Variants in TRIM2 observed in about 807,000 individuals in gnomAD.
TRIM2 encodes tripartite motif containing 2, also known as tripartite motif-containing protein 2.
Under a neutral mutation model 75.2 loss-of-function variants are expected in TRIM2, and 20 were observed. The observed-to-expected ratio is 0.27, with a 90% CI of 0.19 to 0.39. The LOEUF is 0.39. Ranked by LOEUF, TRIM2 falls within the 10% of genes least tolerant of loss-of-function variation. The pLI, the probability that TRIM2 is intolerant of heterozygous loss-of-function variation, is 1.00. For synonymous variants in TRIM2, 373 were observed against 388.3 expected (o/e 0.96, Z 0.46); for missense variants, 660 against 990.8 (o/e 0.67, Z 4.48).
At chr4:153,215,055 A>G (rs991480147) in intron 1 of TRIM2, among the ~76,000 whole-genome samples, 1 of 152,180 alleles carries the variant, frequency 6.6e-6, no homozygotes, top group Non-Finnish European at 1.5e-5. Context: ...TACATTTCTT[A>G]ATTCTCTTGA....
rs1749823404 is a variant in TRIM2, at chr4:153,248,130, G to A, written c.31-22205G>A. On this transcript the variant is annotated intron_variant, in intron 1 of 11. Transcript: ENST00000338700. The surrounding 1 kb of genome is among the most constrained non-coding windows in gnomAD (Gnocchi z 4.0). ...TGTGCTTCAGCCTCCTGAATAGCTG[G>A]GATTACAGGCGCCTGCCACCATGCC... 6.6e-6 allele frequency among the ~76,000 whole-genome samples: 1 copy of A among 151,860 alleles called. No individual in the cohort carries two copies. The highest frequency in any genetic ancestry group is 2.1e-4 in the South Asian group (1 of 4,820).
In TRIM2 at chr4:153,270,344, G is replaced by T. The variant is rs1227529112; in HGVS notation, c.40G>T (p.Ala14Ser). ...ATTTTCTGTCTGACAGCAGCAGCGTGCAGGGTCAAAGACAGCCGGCCCCCC... is the reference window on the plus strand; with the variant it reads ...ATTTTCTGTCTGACAGCAGCAGCGTTCAGGGTCAAAGACAGCCGGCCCCCC... ...SGRYGTQQQR[A>S]GSKTAGPPCQ... Residue 14 changes from alanine (A) to serine (S), a missense_variant, in exon 2 of 12, where the codon GCA becomes TCA. Around this residue, in one of 2 missense-constraint regions of TRIM2, gnomAD observed 620 missense variants for 891.0 expected, o/e 0.70. Coordinates refer to ENST00000338700, the MANE Select transcript of TRIM2 (RefSeq NM_015271.5). The T allele has an allele frequency of 6.2e-7, 1 of 1,611,868 alleles. No homozygotes were observed. Among genetic ancestry groups the T allele is most frequent in the Non-Finnish European group, 8.5e-7 (1 of 1,178,992 alleles).
At chr4:153,178,301 C>T (rs1731686032) in intron 1 of TRIM2, among the ~76,000 whole-genome samples, 1 of 152,108 alleles carries the variant, frequency 6.6e-6, no homozygotes, top group African/African-American at 2.4e-5. Flanking sequence ...GCACCCCCAG[C>T]GCCCCAACCC....
At chr4:153,301,135 G>A (rs1651283260) in intron 6 of TRIM2, among the ~76,000 whole-genome samples, 1 of 151,550 alleles carries the variant, frequency 6.6e-6, no homozygotes, top group African/African-American at 2.4e-5. Context: ...AGGCTGCAGT[G>A]AGCCAAGATC....
chr4:153,306,312 G>A (rs1764989215), intron 6 of TRIM2, among the ~76,000 whole-genome samples: 1 of 152,180 alleles, frequency 6.6e-6, no homozygotes, highest in Admixed American at 6.5e-5. Context: ...GCTTACAACA[G>A]TGCAGGCACA....
rs1379316146 is a variant in TRIM2 at position 153,337,225 on chromosome 4, T to G, written c.*2259T>G. 1.5e-5 allele frequency: 15 copies of G among 985,470 alleles called. No homozygotes were observed. The highest frequency in any genetic ancestry group is 1.8e-5 in the Non-Finnish European group (15 of 829,934). The allele number at this position is 985,470 out of a possible 1,614,324, so 61.0% of individuals were successfully genotyped here. On this transcript the variant is annotated 3_prime_UTR_variant, in exon 12 of 12. Transcript: ENST00000338700. ...AGTAAAAATGGCTTTTTATTTAGAT[T>G]CTTTCTGTCCCAGGCTGTTGATCTT...
In TRIM2 at chr4:153,273,495, G is replaced by A. The variant is rs1409985523; in HGVS notation, c.216-2398G>A. ...TTTTTAGTAGAAACGGGGTTTCACC[G>A]TGTTAGCCAGGATGGTCTCGATCTC... On this transcript the variant is annotated intron_variant, in intron 2 of 11. Transcript: ENST00000338700. Among the ~76,000 whole-genome samples the A allele has an allele frequency of 4.2e-5, 5 of 119,608 alleles. No homozygotes were observed. In the East Asian group the frequency reaches 7.2e-4, roughly 17 times the overall value. The allele number at this position is 119,608 out of a possible 152,430, so 78.5% of individuals were successfully genotyped here.
At chr4:153,189,254 C>T (rs4490437) in intron 1 of TRIM2, among the ~76,000 whole-genome samples, 1,579 of 152,334 alleles carry the variant, frequency 0.01, 38 homozygotes, top group African/African-American at 0.036. Context: ...GGAAAAGTTT[C>T]ACTGCCAAGC....
chr4:153,165,723 GC>G (rs1295175707), intron 1 of TRIM2, among the ~76,000 whole-genome samples: 1 of 152,084 alleles, frequency 6.6e-6, no homozygotes, highest in Non-Finnish European at 1.5e-5. Flanking sequence ...TCTCCACTAT[GC>G]CCTGTGTTCC....
intron 1 of TRIM2, among the ~76,000 whole-genome samples, chr4:153,164,297 A>G (rs1185384328): frequency 2.0e-5 from 3 of 152,158 alleles, no homozygotes; most frequent in African/African-American, 7.2e-5. Flanking sequence ...GGCATATACC[A>G]CCATGCTCAG....
intron 1 of TRIM2, among the ~76,000 whole-genome samples, chr4:153,234,363 C>T (rs766619119): frequency 4.6e-5 from 7 of 152,056 alleles, no homozygotes; most frequent in Non-Finnish European, 7.4e-5. Context: ...GCTTCATGAG[C>T]GGGTTGTGAA....
At chr4:153,314,419 CAAAAAAAAAAA>C (rs58410286) in intron 6 of TRIM2, among the ~76,000 whole-genome samples, 4 of 58,886 alleles carry the variant, frequency 6.8e-5, no homozygotes, top group Admixed American at 2.4e-4. Flanking sequence ...GACTCCGTCT[CAAAAAAAAAAA>C]AAAAAAAAAA....
At chr4:153,207,646 GTC>G (rs1735846194) in intron 1 of TRIM2, among the ~76,000 whole-genome samples, 1 of 152,168 alleles carries the variant, frequency 6.6e-6, no homozygotes, top group Admixed American at 6.5e-5. Flanking sequence ...TTTACCAAAT[GTC>G]TCTCTGATTT....
Position 153,321,299 on chromosome 4 carries a change from T to C in TRIM2, c.1783-1349T>C, listed in dbSNP as rs1471664989. Among the ~76,000 whole-genome samples, 4 of 152,230 alleles carry C rather than the reference T, an allele frequency of 2.6e-5. No individual in the cohort carries two copies. The South Asian group carries it at 6.2e-4, about 24-fold the overall frequency. On this transcript the variant is annotated intron_variant, in intron 8 of 11. Transcript: ENST00000338700. Reference sequence around the variant, plus strand: ...TGTGCCTAGAATACCGTCAGGCACATAGTGGGTGCTTGGGCAGTGTTTGTA... The same window carrying C: ...TGTGCCTAGAATACCGTCAGGCACACAGTGGGTGCTTGGGCAGTGTTTGTA...
chr4:153,266,307 CTA>C (rs1755049206), intron 1 of TRIM2, among the ~76,000 whole-genome samples: 1 of 150,308 alleles, frequency 6.7e-6, no homozygotes, highest in Admixed American at 6.6e-5. Flanking sequence ...GCAGCTGGGA[CTA>C]TGTATGTGTG....
chr4:153,165,689 G>T (rs1730227158), intron 1 of TRIM2, among the ~76,000 whole-genome samples: 2 of 152,110 alleles, frequency 1.3e-5, no homozygotes, highest in African/African-American at 4.8e-5. Flanking sequence ...GAATTTTGTA[G>T]GTGACTCCAT....
intron 1 of TRIM2, among the ~76,000 whole-genome samples, chr4:153,183,022 T>A (rs1417596345): frequency 1.3e-5 from 2 of 152,214 alleles, no homozygotes; most frequent in Non-Finnish European, 2.9e-5. Flanking sequence ...TGGAACATAC[T>A]AAAGATTTGA....
At chr4:153,156,309 C>G (rs758385665) in intron 1 of TRIM2, among the ~76,000 whole-genome samples, 2 of 152,202 alleles carry the variant, frequency 1.3e-5, no homozygotes, top group African/African-American at 2.4e-5. Flanking sequence ...TCATGTCTTC[C>G]TGGCCGAGTG....
At chr4:153,184,482 G>C (rs897932767) in intron 1 of TRIM2, among the ~76,000 whole-genome samples, 3 of 152,128 alleles carry the variant, frequency 2.0e-5, no homozygotes, top group Admixed American at 6.5e-5. Flanking sequence ...AGCCACATTG[G>C]GGGCTAGGGT....
Sources: gnomAD v4.1 joint callset for allele counts (sites outside exome capture counted in the v4.1 genomes callset) on GRCh38, gnomAD v4.1.1 for gene constraint, gnomAD v4.1.1 regional missense constraint, Gnocchi (gnomAD v3.1) non-coding constraint, MANE v1.5 for transcripts, NCBI Gene and HGNC (gene_info 2026-07-23, HGNC 2026-07-21) for gene names.